TEC: variants seen among roughly 807,000 people sequenced by gnomAD.
The protein encoded by TEC is tyrosine-protein kinase Tec.
In TEC, 72 loss-of-function variants were observed where a neutral mutation model predicts 93.0. The ratio of observed to expected loss-of-function variants is 0.77; its 90% confidence interval spans 0.64 to 0.94. The LOEUF (loss-of-function observed/expected upper bound fraction) is 0.94, where lower values mean the gene tolerates loss of function less well. Among genes scored for constraint, TEC ranks in the 40% least tolerant of loss-of-function variants. The pLI is 0.00. For synonymous variants in TEC, 249 were observed against 247.7 expected, an observed-to-expected ratio of 1.01 and a Z score of -0.05; for missense variants, 630 against 757.9, an observed-to-expected ratio of 0.83 and a Z score of 1.98.
chr4:48,137,669 T>C (rs1487276345), intron 17 of TEC, among the ~76,000 whole-genome samples, 170 bp from the exon 18 acceptor site: 1 of 152,180 alleles, frequency 6.6e-6, no homozygotes, highest in Non-Finnish European at 1.5e-5. Flanking sequence ...TTACCCTGCA[T>C]GTACTGCTGC....
chr4:48,138,461 C>T lies in TEC; in HGVS notation c.1812+204G>A, dbSNP rs373503332. ...AAGTGAGGAAGCAGCCTGAATGTAT[C>T]GAGGTAGTTATTAGCATTTTCCACA... On this transcript the variant is annotated intron_variant, in intron 17 of 17. Transcript: ENST00000381501. 4.4e-4 allele frequency among the ~76,000 whole-genome samples: 67 copies of T among 152,292 alleles called. No individual in the cohort carries two copies. The East Asian group carries it at 7.5e-3, about 17-fold the overall frequency.
chr4:48,146,253 T>C, intron 12 of TEC, 72 bp downstream of exon 12: 1 of 1,438,412 alleles, frequency 7.0e-7, no homozygotes, highest in Non-Finnish European at 9.7e-7. Flanking sequence ...ATAGTACACA[T>C]CCAAATTTAT....
chr4:48,149,721 A>C, intron 10 of TEC, 31 bp from the exon 11 acceptor site: 1 of 1,574,670 alleles, frequency 6.4e-7, no homozygotes, highest in Non-Finnish European at 8.6e-7. Flanking sequence ...TGTCAGAACC[A>C]AGTTGAAATA....
At chr4:48,190,297 CAG>C (rs760299588) in intron 2 of TEC, among the ~76,000 whole-genome samples, 4 of 152,176 alleles carry the variant, frequency 2.6e-5, no homozygotes, top group Non-Finnish European at 5.9e-5. Context: ...TCTAAAGAAA[CAG>C]AAGCCCACAG....
intron 8 of TEC, among the ~76,000 whole-genome samples, chr4:48,157,122 T>C (rs934077390): frequency 6.6e-6 from 1 of 152,240 alleles, no homozygotes; most frequent in African/African-American, 2.4e-5. Context: ...ATAAAAATCA[T>C]TTTTAATTTT....
intron 1 of TEC, among the ~76,000 whole-genome samples, chr4:48,266,673 A>G (rs1724643718): frequency 6.6e-6 from 1 of 152,156 alleles, no homozygotes; most frequent in African/African-American, 2.4e-5. Context: ...CCCCATCTCT[A>G]CTAGAAATAC....
At chr4:48,197,605 A>G (rs1722344482) in intron 2 of TEC, among the ~76,000 whole-genome samples, 1 of 152,236 alleles carries the variant, frequency 6.6e-6, no homozygotes, top group Admixed American at 6.5e-5. Flanking sequence ...ATTCATTCTT[A>G]TCACCAGAGA....
chr4:48,179,383 T>A (rs1050116296), intron 2 of TEC, among the ~76,000 whole-genome samples: 33 of 112,516 alleles, frequency 2.9e-4, no homozygotes, highest in African/African-American at 1.0e-3. Context: ...TATATTTTTT[T>A]TTTTTTTTTT....
chr4:48,188,850 AAT>A (rs1344959758), intron 2 of TEC, among the ~76,000 whole-genome samples: 2 of 152,126 alleles, frequency 1.3e-5, no homozygotes, highest in African/African-American at 4.8e-5. Flanking sequence ...AGTACACAGC[AAT>A]ATAACAAGGT....
chr4:48,150,988 T>C (rs780982036), intron 9 of TEC, 46 bp from the exon 10 acceptor site: 2 of 1,220,604 alleles, frequency 1.6e-6, no homozygotes, highest in Non-Finnish European at 2.3e-6. Context: ...TAATTACTAA[T>C]AGCATTGCCA....
At chr4:48,205,066 T>C (rs1280673915) in intron 2 of TEC, among the ~76,000 whole-genome samples, 1 of 152,218 alleles carries the variant, frequency 6.6e-6, no homozygotes, top group Non-Finnish European at 1.5e-5. Context: ...AATCATTGAC[T>C]TAGTTAATTA....
rs1345760765 is a variant in TEC, at chr4:48,173,153, AC to A, written c.244-1705del. ...TTAAGTCATATGAGTAGGATATTTA[AC>A]CCCCAAATATCCCTTGACTATTCCC... On this transcript the variant is annotated intron_variant, in intron 3 of 17. Transcript: ENST00000381501. Among the ~76,000 whole-genome samples, 5 of 151,876 alleles carry A rather than the reference AC, an allele frequency of 3.3e-5. No homozygotes were observed. In the East Asian group the frequency reaches 9.7e-4, roughly 29 times the overall value.
At chr4:48,162,830 C>A (rs890091770) in intron 8 of TEC, among the ~76,000 whole-genome samples, 3 of 152,054 alleles carry the variant, frequency 2.0e-5, no homozygotes, top group Admixed American at 2.0e-4. Flanking sequence ...CATAAAAGAG[C>A]GTTCAATGTA....
intron 1 of TEC, among the ~76,000 whole-genome samples, chr4:48,258,739 T>C (rs1347788630): frequency 7.9e-6 from 1 of 126,972 alleles, no homozygotes; most frequent in Non-Finnish European, 1.9e-5. Flanking sequence ...TGGCGTCTTT[T>C]CAAAATCACT....
At chr4:48,269,635 C>T (rs1407593599) in intron 1 of TEC, 117 bp downstream of exon 1, 1 of 152,284 alleles carries the variant, frequency 6.6e-6, no homozygotes, top group African/African-American at 2.4e-5. Flanking sequence ...AATCCTTCCC[C>T]GTTCCTCGAG....
chr4:48,141,428 CA>C lies in TEC; in HGVS notation c.1471-10del. 1 of 1,613,186 alleles carries C rather than the reference CA, an allele frequency of 6.2e-7. No individual in the cohort carries two copies. The highest frequency in any genetic ancestry group is 8.5e-7 in the Non-Finnish European group (1 of 1,179,540). ...AGACAATTTCTGGCAGCCTGGAAAA[CA>C]ACATTATGATGGTATATTAGTTTAA... On this transcript the variant is annotated splice_polypyrimidine_tract_variant and intron_variant, in intron 14 of 17. Transcript: ENST00000381501.
chr4:48,167,726 A>C lies in TEC; in HGVS notation c.671+52T>G, dbSNP rs1040026505. On this transcript the variant is annotated intron_variant, in intron 7 of 17. Transcript: ENST00000381501. ...ACGACTTATCTACTTCTCACTCAAC[A>C]CTTGACTCCCACCTACCCACTGCAT... The C allele has an allele frequency of 1.3e-5, 20 of 1,558,906 alleles. No individual in the cohort carries two copies. In the African/African-American group the frequency reaches 2.4e-4, roughly 19 times the overall value.
rs1223890774 is a variant in TEC at position 48,222,462 on chromosome 4, C to T, written c.138+6015G>A. 5.3e-5 allele frequency among the ~76,000 whole-genome samples: 8 copies of T among 151,812 alleles called. No homozygotes were observed. The South Asian group carries it at 6.2e-4, about 12-fold the overall frequency. ...TAAGCCTGCAGTAGAGAAAATTCACCGATATGATGCTTAATTTTATGTGTC... is the reference window on the plus strand; with the variant it reads ...TAAGCCTGCAGTAGAGAAAATTCACTGATATGATGCTTAATTTTATGTGTC... On this transcript the variant is annotated intron_variant, in intron 2 of 17. Coordinates refer to ENST00000381501, the MANE Select transcript of TEC (RefSeq NM_003215.3).
chr4:48,165,785 G>A (rs1448323911), intron 7 of TEC, among the ~76,000 whole-genome samples: 1 of 152,196 alleles, frequency 6.6e-6, no homozygotes, highest in Non-Finnish European at 1.5e-5. Context: ...AGAAACATAA[G>A]AGATATATTA....
Sources: allele counts gnomAD v4.1 joint callset (sites outside exome capture counted in the v4.1 genomes callset), GRCh38; gene constraint gnomAD v4.1.1; transcripts MANE v1.5; gene names NCBI Gene and HGNC (gene_info 2026-07-23, HGNC 2026-07-21).